The following SHANK2 variants were observed in gnomAD, a reference collection of about 807,000 sequenced individuals.
SHANK2 encodes SH3 and multiple ankyrin repeat domains 2, also known as SH3 and multiple ankyrin repeat domains protein 2.
A neutral mutation model predicts 133.7 loss-of-function variants in SHANK2; 43 were observed. That is an observed-to-expected ratio of 0.32 (90% CI 0.25 to 0.41). The LOEUF is 0.41. Among genes scored for constraint, SHANK2 ranks in the 10% least tolerant of loss-of-function variants. The probability of loss-of-function intolerance (pLI) is 1.00; values close to 1 mark genes in which losing one functional copy is unlikely to be tolerated. For missense variants in SHANK2, 1,994 were observed against 2,235.8 expected, an observed-to-expected ratio of 0.89 and a Z score of 2.18; for synonymous variants, 1,017 against 952.8, an observed-to-expected ratio of 1.07 and a Z score of -1.24.
rs973054000 is a variant in SHANK2 at position 70,762,418 on chromosome 11, T to A, written c.1777+36025A>T. Among the ~76,000 whole-genome samples the A allele has an allele frequency of 2.0e-5, 3 of 152,066 alleles. No homozygotes were observed. The East Asian group carries it at 5.8e-4, about 29-fold the overall frequency. On this transcript the variant is annotated intron_variant, in intron 14 of 25. Transcript: ENST00000601538. ...GATGCAGAGGAAATGAGAAGGAATGTCAGTGGTGGGGGCGCCTCTTTTGAG... is the reference window on the plus strand; with the variant it reads ...GATGCAGAGGAAATGAGAAGGAATGACAGTGGTGGGGGCGCCTCTTTTGAG...
intron 14 of SHANK2, among the ~76,000 whole-genome samples, chr11:70,711,539 G>A (rs1429355891): frequency 6.6e-6 from 1 of 152,270 alleles, no homozygotes; most frequent in East Asian, 1.9e-4. Context: ...AGGCAGCAGT[G>A]CCGCAGGCAG....
intron 2 of SHANK2, among the ~76,000 whole-genome samples, chr11:71,202,826 T>A (rs778575163): frequency 1.6e-4 from 25 of 152,116 alleles, no homozygotes; most frequent in Non-Finnish European, 3.7e-4. Flanking sequence ...CCTGGTTAAG[T>A]CAATGAGCAT....
At chr11:70,514,518 A>G (rs1197727650) in intron 17 of SHANK2, among the ~76,000 whole-genome samples, 5 of 152,234 alleles carry the variant, frequency 3.3e-5, no homozygotes, top group African/African-American at 1.2e-4. Context: ...GGCAAAAATA[A>G]TACTGATTTT....
intron 11 of SHANK2, among the ~76,000 whole-genome samples, chr11:70,833,994 T>C (rs1948768470): frequency 6.6e-6 from 1 of 152,200 alleles, no homozygotes. Context: ...AGGGCCAGCT[T>C]TGAGCGTCAC....
At chr11:70,631,521 C>T (rs782208751) in intron 17 of SHANK2, among the ~76,000 whole-genome samples, 12 of 152,298 alleles carry the variant, frequency 7.9e-5, no homozygotes, top group East Asian at 1.9e-4. Flanking sequence ...CTAATCCACT[C>T]GGCAAAGTCC....
In SHANK2 at chr11:70,486,017, C is replaced by G; in HGVS notation, c.4276G>C (p.Asp1426His). Residue 1426 changes from aspartate to histidine, a missense_variant, in exon 25 of 26, where the codon GAC becomes CAC. By Grantham distance (81) the Asp-to-His change is moderately conservative. Coordinates refer to ENST00000601538, the MANE Select transcript of SHANK2 (RefSeq NM_012309.5). This position sits in a 1 kb window ranked among gnomAD's most constrained non-coding sequence, Gnocchi z 8.0. ...EFANSFDIPDDRAASVPALSD... is the reference protein window; with the variant it reads ...EFANSFDIPDHRAASVPALSD... ...AGAGCCGGGACAGAAGCTGCCCGGT[C>G]ATCGGGGATATCAAAACTATTTGCA... 2 of 1,614,048 alleles carry G rather than the reference C, an allele frequency of 1.2e-6. No homozygotes were observed. The highest frequency in any genetic ancestry group is 1.7e-6 in the Non-Finnish European group (2 of 1,180,024).
intron 10 of SHANK2, among the ~76,000 whole-genome samples, chr11:70,910,731 CG>C (rs1555078811): frequency 5.3e-5 from 8 of 151,698 alleles, no homozygotes; most frequent in Non-Finnish European, 2.9e-5. Context: ...CACTTGAACC[CG>C]GGAGGCAGAG....
chr11:70,470,664 A>G lies in SHANK2; in HGVS notation c.*2205T>C, dbSNP rs1555148260. 6.6e-6 allele frequency: 1 copy of G among 152,450 alleles called. No individual in the cohort carries two copies. The allele number at this position is 152,450 out of a possible 1,614,324, so 9.4% of individuals were successfully genotyped here. Reference sequence around the variant, plus strand: ...CCTGTAGTATCCTGTCTTGAAATTTATCTAGAGTAATGCTCATTCATCTCA... The same window carrying G: ...CCTGTAGTATCCTGTCTTGAAATTTGTCTAGAGTAATGCTCATTCATCTCA... On this transcript the variant is annotated 3_prime_UTR_variant, in exon 26 of 26. Coordinates refer to ENST00000601538, the MANE Select transcript of SHANK2 (RefSeq NM_012309.5).
At chr11:70,883,716 G>A (rs1949693370) in intron 11 of SHANK2, among the ~76,000 whole-genome samples, 1 of 152,204 alleles carries the variant, frequency 6.6e-6, no homozygotes, top group East Asian at 1.9e-4. Context: ...CACGCCGGAG[G>A]CACAGAGAAG....
chr11:70,834,981 A>G (rs1271664349), intron 11 of SHANK2, among the ~76,000 whole-genome samples: 3 of 152,146 alleles, frequency 2.0e-5, no homozygotes, highest in African/African-American at 7.2e-5. Flanking sequence ...GGCCAAGAAC[A>G]TGGCTATTTT....
chr11:70,502,917 A>T lies in SHANK2; in HGVS notation c.2076T>A (p.Asn692Lys), dbSNP rs1555159199. 1 of 1,613,932 alleles carries T rather than the reference A, an allele frequency of 6.2e-7. No individual in the cohort carries two copies. Among genetic ancestry groups the T allele is most frequent in the East Asian group, 2.2e-5 (1 of 44,878 alleles). The change falls in exon 18 of 26, where the codon AAT (asparagine) becomes AAA (lysine). Residue 692 changes from asparagine (N) to lysine (K), a missense_variant. Physicochemically the swap from Asn to Lys is moderately conservative, Grantham distance 94. Coordinates refer to ENST00000601538, the MANE Select transcript of SHANK2 (RefSeq NM_012309.5). The stretch of plus-strand genomic sequence containing the variant: ...CCTGCCTGTGGCCGACTTTGACAAC[A>T]TTCTCATTGTTAACCTGTGGGAAGG... ...GDFLIEVNNENVVKVGHRQVV... is the reference protein window; with the variant it reads ...GDFLIEVNNEKVVKVGHRQVV...
At chr11:70,867,918 G>C (rs528880063) in intron 11 of SHANK2, among the ~76,000 whole-genome samples, 10 of 152,310 alleles carry the variant, frequency 6.6e-5, no homozygotes, top group African/African-American at 2.4e-4. Context: ...TTCATGTACT[G>C]ACAGTGTGTT....
chr11:71,134,508 C>T (rs1278275483), intron 3 of SHANK2, among the ~76,000 whole-genome samples: 1 of 147,876 alleles, frequency 6.8e-6, no homozygotes. Context: ...GGCACGATCT[C>T]GGCTCACTGC....
intron 17 of SHANK2, among the ~76,000 whole-genome samples, chr11:70,526,368 C>T (rs1042941988): frequency 3.1e-4 from 47 of 152,224 alleles, no homozygotes; most frequent in Admixed American, 3.9e-4. Context: ...GACCACTGGC[C>T]GTGGGCTGGC....
intron 2 of SHANK2, among the ~76,000 whole-genome samples, chr11:71,215,608 C>T (rs1954395418): frequency 6.6e-6 from 1 of 152,206 alleles, no homozygotes; most frequent in South Asian, 2.1e-4. Context: ...CCCAACTGTT[C>T]CCCGAGGAGG....
chr11:70,488,599 T>C (rs1384569207), intron 24 of SHANK2, among the ~76,000 whole-genome samples: 2 of 152,168 alleles, frequency 1.3e-5, no homozygotes, highest in Non-Finnish European at 1.5e-5. Context: ...GGAGCCCAGG[T>C]TCCTTTAAAG....
chr11:70,611,161 A>C (rs1221827406), intron 17 of SHANK2, among the ~76,000 whole-genome samples: 1 of 152,210 alleles, frequency 6.6e-6, no homozygotes, highest in Non-Finnish European at 1.5e-5. Context: ...TTTCAAAAGG[A>C]GTTTGGAGGT....
chr11:70,826,737 G>A (rs976574727), intron 11 of SHANK2: 2 of 317,130 alleles, frequency 6.3e-6, no homozygotes, highest in African/African-American at 2.2e-5. Context: ...GCACGTAGAC[G>A]GGCTGCTCTC....
intron 9 of SHANK2, among the ~76,000 whole-genome samples, chr11:71,068,725 C>T (rs2135960254): frequency 6.6e-6 from 1 of 152,346 alleles, no homozygotes; most frequent in East Asian, 1.9e-4. Context: ...GTACTATTCA[C>T]AGGTTCTTTG....
Sources: gnomAD v4.1 joint callset for allele counts (sites outside exome capture counted in the v4.1 genomes callset) on GRCh38, gnomAD v4.1.1 for gene constraint, Gnocchi (gnomAD v3.1) non-coding constraint, MANE v1.5 for transcripts, NCBI Gene and HGNC (gene_info 2026-07-23, HGNC 2026-07-21) for gene names.